Variants in PSMG2 observed in about 807,000 individuals in gnomAD.
The protein encoded by PSMG2 is CD40 ligand-activated specific transcript 3.
Under a neutral mutation model 31.5 loss-of-function variants are expected in PSMG2, and 21 were observed. That is an observed-to-expected ratio of 0.67 (90% CI 0.47 to 0.96). The LOEUF (loss-of-function observed/expected upper bound fraction) is 0.96. Ranked by LOEUF, PSMG2 falls within the 40% of genes least tolerant of loss-of-function variation. The pLI is 0.00. For missense variants in PSMG2, 318 were observed against 321.2 expected (o/e 0.99, Z 0.08); for synonymous variants, 120 against 110.4 (o/e 1.09, Z -0.54).
chr18:12,699,036 C>T, upstream of PSMG2: 1 of 1,613,912 alleles, frequency 6.2e-7, no homozygotes, highest in Non-Finnish European at 8.5e-7. Context: ...GGTTCACAGG[C>T]ACATGGAACA....
At chr18:12,690,878 G>T (rs2039729888) in intron 1 of PSMG2, among the ~76,000 whole-genome samples, 1 of 152,058 alleles carries the variant, frequency 6.6e-6, no homozygotes, top group Non-Finnish European at 1.5e-5. Context: ...CACTGGCTTA[G>T]AAGTCGTGGT....
At chr18:12,675,119 G>A (rs958673235) in intron 1 of PSMG2, among the ~76,000 whole-genome samples, 17 of 152,034 alleles carry the variant, frequency 1.1e-4, no homozygotes, top group Non-Finnish European at 2.2e-4. Context: ...AGTTTAGGCC[G>A]GGTGCGGTGG....
chr18:12,709,626 G>GT (rs1331164349), intron 2 of PSMG2, among the ~76,000 whole-genome samples: 1 of 151,892 alleles, frequency 6.6e-6, no homozygotes, highest in Non-Finnish European at 1.5e-5. Flanking sequence ...AGCCTCTGGA[G>GT]TAGTTGGGAT....
At chr18:12,698,527 T>C (rs2040040713), upstream of PSMG2, among the ~76,000 whole-genome samples, 1 of 152,222 alleles carries the variant, frequency 6.6e-6, no homozygotes, top group South Asian at 2.1e-4. Flanking sequence ...CTTGAACTCC[T>C]GGCTTCAAAT....
In PSMG2 at chr18:12,720,642, C is replaced by T; in HGVS notation, c.540C>T (p.Arg180=). The T allele has an allele frequency of 1.2e-6, 2 of 1,613,464 alleles. No homozygotes were observed. Among genetic ancestry groups the T allele is most frequent in the East Asian group, 2.2e-5 (1 of 44,882 alleles). Residue 180 remains arginine, a synonymous_variant, in exon 5 of 7, where the codon CGC becomes CGT. Coordinates refer to ENST00000317615, the MANE Select transcript of PSMG2 (RefSeq NM_020232.5). ...TAGATGATTCCGAGTTTTGTATCCGCATTCCGGGAGGAGGTATCACAAAAA... is the reference window on the plus strand; with the variant it reads ...TAGATGATTCCGAGTTTTGTATCCGTATTCCGGGAGGAGGTATCACAAAAA... The part of the protein sequence containing the change: ...PEIDDSEFCI[R]IPGGGITKTL...
At chr18:12,713,564 C>T (rs1352984709) in intron 3 of PSMG2, among the ~76,000 whole-genome samples, 4 of 152,106 alleles carry the variant, frequency 2.6e-5, no homozygotes, top group African/African-American at 4.8e-5. Flanking sequence ...TCATAGGGCT[C>T]ATGTGCCAAT....
chr18:12,678,262 G>A (rs1341534932), intron 1 of PSMG2: 1 of 1,613,978 alleles, frequency 6.2e-7, no homozygotes, highest in Non-Finnish European at 8.5e-7. Flanking sequence ...CCTCACTCAT[G>A]GGTTTCCATT....
In PSMG2 at chr18:12,669,032, C is replaced by CTTTTTTTT. The variant is rs71174122; in HGVS notation, c.-37+10278_-37+10285dup. Among the ~76,000 whole-genome samples, 28 of 41,952 alleles carry CTTTTTTTT rather than the reference C, an allele frequency of 6.7e-4. 7 individuals are homozygous for CTTTTTTTT. The highest frequency in any genetic ancestry group is 2.5e-3 in the African/African-American group (26 of 10,538). 27.5% of individuals were successfully genotyped at this position (41,952 alleles called of 152,430 possible). A position where few individuals can be genotyped will look rare whatever the true frequency, so the allele number is the denominator to read the frequency against. On this transcript the variant is annotated intron_variant, in intron 1 of 6. Transcript: ENST00000585331. ...GGCTTGAGCTACCGCACCCCCCGCACTTTTTTTTTTTTTTTTTTTTTTTTT... is the reference window on the plus strand; with the variant it reads ...GGCTTGAGCTACCGCACCCCCCGCACTTTTTTTTTTTTTTTTTTTTTTTTTTTTTTTTT...
chr18:12,677,984 A>T, intron 1 of PSMG2: 1 of 678,062 alleles, frequency 1.5e-6, no homozygotes, highest in Non-Finnish European at 2.5e-6. Flanking sequence ...GCTTCATAAT[A>T]GTAGGGACTG....
At position 12,669,032 on chromosome 18, in the gene PSMG2, C is replaced by CTT. The variant is rs71174122; in HGVS notation, c.-37+10284_-37+10285dup. ...GGCTTGAGCTACCGCACCCCCCGCA[C>CTT]TTTTTTTTTTTTTTTTTTTTTTTTT... On this transcript the variant is annotated intron_variant, in intron 1 of 6. Transcript: ENST00000585331. 6.4e-3 allele frequency among the ~76,000 whole-genome samples: 269 copies of CTT among 41,950 alleles called. 75 individuals are homozygous for CTT. Among genetic ancestry groups the CTT allele is most frequent in the Non-Finnish European group, 7.6e-3 (144 of 18,896 alleles). The allele number at this position is 41,950 out of a possible 152,430, so 27.5% of individuals were successfully genotyped here.
intron 3 of PSMG2, among the ~76,000 whole-genome samples, chr18:12,718,198 G>A (rs2040396414): frequency 6.6e-6 from 1 of 151,504 alleles, no homozygotes; most frequent in African/African-American, 2.4e-5. Flanking sequence ...TAGTAGAGAT[G>A]GGGTTTTACC....
At chr18:12,672,574 G>A in intron 1 of PSMG2, 1 of 797,226 alleles carries the variant, frequency 1.3e-6, no homozygotes, top group Non-Finnish European at 1.5e-6. Flanking sequence ...AAGGGTTTCA[G>A]AAGATAGAAT....
At chr18:12,691,195 C>G (rs2039748204) in intron 1 of PSMG2, 7 of 459,324 alleles carry the variant, frequency 1.5e-5, no homozygotes, top group Non-Finnish European at 2.6e-5. Context: ...GATCTTGCCA[C>G]TCACTATGCA....
intron 1 of PSMG2, among the ~76,000 whole-genome samples, chr18:12,696,520 T>C (rs1207767098): frequency 6.6e-6 from 1 of 151,986 alleles, no homozygotes; most frequent in African/African-American, 2.4e-5. Context: ...ATAATAATAA[T>C]AATAATCTAA....
intron 1 of PSMG2, chr18:12,679,282 C>T (rs1372427823): frequency 6.6e-6 from 1 of 152,196 alleles, no homozygotes; most frequent in African/African-American, 2.4e-5. Context: ...AGCCTGTGCA[C>T]TGGGAGGAGT....
chr18:12,713,205 C>G (rs944854681), intron 3 of PSMG2, among the ~76,000 whole-genome samples: 1 of 152,190 alleles, frequency 6.6e-6, no homozygotes, highest in African/African-American at 2.4e-5. Context: ...TGATCTGCCT[C>G]CCACAAACAG....
intron 1 of PSMG2, chr18:12,674,765 C>G (rs1390355819): frequency 6.4e-7 from 1 of 1,558,732 alleles, no homozygotes; most frequent in Non-Finnish European, 8.7e-7. Context: ...TATGAGCAAT[C>G]AAGAGAAAAA....
At chr18:12,711,001 G>C (rs1349095276) in intron 2 of PSMG2, among the ~76,000 whole-genome samples, 1 of 152,124 alleles carries the variant, frequency 6.6e-6, no homozygotes, top group Admixed American at 6.6e-5. Context: ...TCAGGAGGCT[G>C]AGACAGGAGA....
chr18:12,704,459 C>T (rs2040241372), intron 1 of PSMG2, among the ~76,000 whole-genome samples: 1 of 151,902 alleles, frequency 6.6e-6, no homozygotes, highest in South Asian at 2.1e-4. Flanking sequence ...GTGTGGTTTC[C>T]TGCACCTGTA....
Sources: allele counts gnomAD v4.1 joint callset (sites outside exome capture counted in the v4.1 genomes callset), GRCh38; gene constraint gnomAD v4.1.1; transcripts MANE v1.5; gene names NCBI Gene and HGNC (gene_info 2026-07-23, HGNC 2026-07-21).